The following PTPN20 variants were observed in gnomAD, a reference collection of about 807,000 sequenced individuals.
PTPN20 encodes the protein tyrosine-protein phosphatase non-receptor type 20.
A neutral mutation model predicts 35.0 loss-of-function variants in PTPN20; 9 were observed. The observed-to-expected ratio is 0.26, with a 90% CI of 0.15 to 0.45. The LOEUF is 0.45. PTPN20 is among the 20% of genes least tolerant of loss of function. The probability of loss-of-function intolerance (pLI) is 1.00; values close to 1 mark genes in which losing one functional copy is unlikely to be tolerated. For missense variants in PTPN20, 111 were observed against 312.5 expected, an observed-to-expected ratio of 0.36 and a Z score of 4.86; for synonymous variants, 32 against 100.2, an observed-to-expected ratio of 0.32 and a Z score of 4.06.
At chr10:46,923,967 T>A (rs1191035814) in intron 1 of PTPN20, among the ~76,000 whole-genome samples, 1 of 152,262 alleles carries the variant, frequency 6.6e-6, no homozygotes, top group Non-Finnish European at 1.5e-5. Context: ...AATGATACTG[T>A]GTTTTATATT....
intron 7 of PTPN20, among the ~76,000 whole-genome samples, chr10:46,977,279 C>A (rs1462614837): frequency 4.3e-3 from 650 of 152,200 alleles, no homozygotes; most frequent in African/African-American, 0.015. Context: ...CAGATATTGA[C>A]TTGCCAGTCC....
chr10:47,000,603 A>G, intron 10 of PTPN20, 73 bp from the exon 11 acceptor site: 1 of 1,573,476 alleles, frequency 6.4e-7, no homozygotes, highest in East Asian at 2.2e-5. Context: ...AAAATTACAA[A>G]TGTGTTTTCT....
Position 46,992,889 on chromosome 10 carries a change from GC to G in PTPN20, c.1134+5335del, listed in dbSNP as rs1479317261. 2.6e-5 allele frequency among the ~76,000 whole-genome samples: 4 copies of G among 152,282 alleles called. No individual in the cohort carries two copies. The East Asian group carries it at 5.8e-4, about 22-fold the overall frequency. On this transcript the variant is annotated intron_variant, in intron 9 of 10. Transcript: ENST00000374339. ...TTGAATTTGCTATCATTTCGATGAGGCTTTTTGTTTTTATATTCTTTGTATC... is the reference window on the plus strand; with the variant it reads ...TTGAATTTGCTATCATTTCGATGAGGTTTTTGTTTTTATATTCTTTGTATC...
intron 1 of PTPN20, among the ~76,000 whole-genome samples, chr10:46,925,551 G>C (rs2036982299): frequency 7.0e-6 from 1 of 142,018 alleles, no homozygotes; most frequent in Non-Finnish European, 1.5e-5. Flanking sequence ...CCAGGCTGCA[G>C]AAACTCAGGG....
chr10:46,993,672 A>G (rs1442549001), intron 9 of PTPN20, among the ~76,000 whole-genome samples: 1 of 152,208 alleles, frequency 6.6e-6, no homozygotes, highest in Non-Finnish European at 1.5e-5. Flanking sequence ...AAAATTCTCT[A>G]TGCTTTAACT....
chr10:46,954,710 C>T (rs1369750283), intron 5 of PTPN20, among the ~76,000 whole-genome samples: 4 of 150,030 alleles, frequency 2.7e-5, no homozygotes, highest in African/African-American at 1.0e-4. Flanking sequence ...TTTAGTTTCC[C>T]TTACTTTCTC....
At chr10:46,951,462 C>T (rs1328291028) in intron 5 of PTPN20, among the ~76,000 whole-genome samples, 3,010 of 151,716 alleles carry the variant, frequency 0.02, no homozygotes, top group African/African-American at 0.059. Flanking sequence ...CAATTCTATA[C>T]CTTAAGAAGG....
intron 9 of PTPN20, among the ~76,000 whole-genome samples, chr10:46,997,269 A>C (rs1443934665): frequency 2.0e-5 from 3 of 151,796 alleles, no homozygotes; most frequent in Non-Finnish European, 4.4e-5. Context: ...CCACATATTC[A>C]TTGCTAGTAC....
In PTPN20 at chr10:46,935,967, T is replaced by TA. The variant is rs1278388465; in HGVS notation, c.34+3436dup. Among the ~76,000 whole-genome samples, 8 of 148,866 alleles carry TA rather than the reference T, an allele frequency of 5.4e-5. No individual in the cohort carries two copies. In the East Asian group the frequency reaches 1.5e-3, roughly 28 times the overall value. ...TGTAACCTCACAAACATTTTTTTTT[T>TA]AATTTTTACTTTTTAATAATAGCCT... is the stretch of plus-strand genomic sequence containing the variant. On this transcript the variant is annotated intron_variant, in intron 2 of 10. Transcript: ENST00000374339.
intron 1 of PTPN20, among the ~76,000 whole-genome samples, chr10:46,931,980 C>G (rs1200005377): frequency 2.0e-5 from 3 of 148,012 alleles, no homozygotes; most frequent in African/African-American, 5.3e-5. Context: ...CTTATTTATT[C>G]AGTACTGAAT....
chr10:46,996,572 G>A (rs927971997), intron 9 of PTPN20, among the ~76,000 whole-genome samples: 4 of 152,076 alleles, frequency 2.6e-5, no homozygotes, highest in Non-Finnish European at 5.9e-5. Flanking sequence ...TTAGCTGAGG[G>A]CCTGAATAAT....
At chr10:47,002,906 T>C (rs2060131323), downstream of PTPN20, among the ~76,000 whole-genome samples, 2 of 152,028 alleles carry the variant, frequency 1.3e-5, no homozygotes, top group African/African-American at 2.4e-5. Flanking sequence ...GTTATTTTAG[T>C]GATTTATTTT....
chr10:46,972,235 C>A (rs1444796272), intron 7 of PTPN20, among the ~76,000 whole-genome samples: 4 of 151,038 alleles, frequency 2.6e-5, no homozygotes, highest in African/African-American at 9.7e-5. Flanking sequence ...TACTACAAAT[C>A]AAGAAGAGGA....
intron 5 of PTPN20, among the ~76,000 whole-genome samples, chr10:46,949,507 C>A (rs1481610108): frequency 6.6e-6 from 1 of 152,038 alleles, no homozygotes; most frequent in Non-Finnish European, 1.5e-5. Context: ...TACTTGGTTG[C>A]CCTGCAACCT....
chr10:46,994,381 T>C (rs1204042021), intron 9 of PTPN20, among the ~76,000 whole-genome samples: 2 of 128,408 alleles, frequency 1.6e-5, no homozygotes, highest in Admixed American at 1.0e-4. Context: ...CAGGCGGGAG[T>C]GCAGTGGCGC....
At chr10:46,996,208 A>C (rs2137808662) in intron 9 of PTPN20, among the ~76,000 whole-genome samples, 1 of 152,356 alleles carries the variant, frequency 6.6e-6, no homozygotes, top group South Asian at 2.1e-4. Context: ...CACAATCAAT[A>C]ATGACTATAA....
At chr10:46,923,523 A>G (rs2036096119) in intron 1 of PTPN20, among the ~76,000 whole-genome samples, 2 of 149,518 alleles carry the variant, frequency 1.3e-5, no homozygotes, top group Non-Finnish European at 3.0e-5. Context: ...GGTTGACTAC[A>G]TTTGTGTGGA....
At chr10:46,937,903 AT>A (rs2042190826) in intron 2 of PTPN20, among the ~76,000 whole-genome samples, 1 of 125,520 alleles carries the variant, frequency 8.0e-6, no homozygotes, top group South Asian at 2.6e-4. Flanking sequence ...TTGGTGCTGG[AT>A]TTTTTCTTTT....
rs562097540 is a variant in PTPN20 at position 46,953,426 on chromosome 10, C to T, written c.340+6751C>T. The stretch of plus-strand genomic sequence containing the variant: ...TTTTGACTTACTAACTTATTGCATT[C>T]GCTAGGACTTTTGGTTCAATGTTGA... On this transcript the variant is annotated intron_variant, in intron 5 of 10. Coordinates refer to ENST00000374339, the MANE Select transcript of PTPN20 (RefSeq NM_001042357.5). 3.1e-4 allele frequency among the ~76,000 whole-genome samples: 39 copies of T among 127,866 alleles called. 1 individual carries two copies. In the South Asian group the frequency reaches 7.7e-3, roughly 25 times the overall value. The allele number at this position is 127,866 out of a possible 152,430, so 83.9% of individuals were successfully genotyped here.
Sources: gnomAD v4.1 joint callset for allele counts (sites outside exome capture counted in the v4.1 genomes callset) on GRCh38, gnomAD v4.1.1 for gene constraint, MANE v1.5 for transcripts, NCBI Gene and HGNC (gene_info 2026-07-23, HGNC 2026-07-21) for gene names.